Variants in SLC6A14 observed in about 807,000 individuals in gnomAD.
SLC6A14 encodes the protein solute carrier family 6 member 14.
In SLC6A14, 21 loss-of-function variants were observed where a neutral mutation model predicts 51.4. That is an observed-to-expected ratio of 0.41 (90% CI 0.29 to 0.59). The LOEUF is 0.59. SLC6A14 is among the 20% of genes least tolerant of loss of function. The probability of loss-of-function intolerance (pLI) is 0.31; values close to 1 mark genes in which losing one functional copy is unlikely to be tolerated. For synonymous variants in SLC6A14, 177 were observed against 160.7 expected (o/e 1.10, Z -0.77); for missense variants, 371 against 472.8 (o/e 0.78, Z 2.00).
intron 6 of SLC6A14, among the ~76,000 whole-genome samples, chrX:116,445,721 C>T (rs1927701032): frequency 1.8e-5 from 2 of 111,481 alleles, no homozygotes; most frequent in South Asian, 7.5e-4. Flanking sequence ...AAGAAAACAA[C>T]ATGAAATTTT....
At chrX:116,443,220 G>T (rs1475277562) in intron 4 of SLC6A14, among the ~76,000 whole-genome samples, 2 of 111,283 alleles carry the variant, frequency 1.8e-5, no homozygotes, top group African/African-American at 6.5e-5. Flanking sequence ...CCATGTCATA[G>T]ACTATTACCA....
At position 116,437,969 on chromosome X, in the gene SLC6A14, C is replaced by CGGGGGGGGGGGGGGGG; in HGVS notation, c.214+14_214+15insGGGGGGGGGGGGGGGG. Reference sequence around the variant, plus strand: ...GCAATGGTGGAGGTATTCTATTTCACCCCCACCCTCCCACCCCCGCTTTTC... The same window carrying CGGGGGGGGGGGGGGGG: ...GCAATGGTGGAGGTATTCTATTTCACGGGGGGGGGGGGGGGGCCCCACCCTCCCACCCCCGCTTTTC... On this transcript the variant is annotated intron_variant, in intron 2 of 13. Coordinates refer to ENST00000598581, the MANE Select transcript of SLC6A14 (RefSeq NM_007231.5). 1 of 1,096,577 alleles carries CGGGGGGGGGGGGGGGG rather than the reference C, an allele frequency of 9.1e-7. No homozygotes were observed. Among genetic ancestry groups the CGGGGGGGGGGGGGGGG allele is most frequent in the Non-Finnish European group, 1.2e-6 (1 of 820,890 alleles). 90.4% of individuals were successfully genotyped at this position (1,096,577 alleles called of 1,213,427 possible).
rs367566903 is a variant in SLC6A14, at chrX:116,457,794, G to A, written c.1782+18G>A. On this transcript the variant is annotated intron_variant, in intron 13 of 13. Coordinates refer to ENST00000598581, the MANE Select transcript of SLC6A14 (RefSeq NM_007231.5). ...TCTTTCAAGTGAGTGCATTAAAATTGTTTATACTTTACACAAAGTAGTTAT... is the reference window on the plus strand; with the variant it reads ...TCTTTCAAGTGAGTGCATTAAAATTATTTATACTTTACACAAAGTAGTTAT... 7 of 1,110,602 alleles carry A rather than the reference G, an allele frequency of 6.3e-6. No homozygotes were observed. Among genetic ancestry groups the A allele is most frequent in the Admixed American group, 4.5e-5 (2 of 44,599 alleles). The allele number at this position is 1,110,602 out of a possible 1,213,427, so 91.5% of individuals were successfully genotyped here. A position where few individuals can be genotyped will look rare whatever the true frequency, so the allele number is the denominator to read the frequency against.
At chrX:116,440,893 T>C (rs1927581334) in intron 2 of SLC6A14, 73 bp from the exon 3 acceptor site, 1 of 1,111,082 alleles carries the variant, frequency 9.0e-7, no homozygotes, top group Non-Finnish European at 1.2e-6. Context: ...TTTTAAAGTG[T>C]TATGCTGGTT....
chrX:116,451,197 A>G (rs1166016809), intron 7 of SLC6A14, among the ~76,000 whole-genome samples: 2 of 111,306 alleles, frequency 1.8e-5, no homozygotes, highest in Non-Finnish European at 3.8e-5. Flanking sequence ...AAGAAGAACA[A>G]AGAAATTATG....
rs3043424 is a variant in SLC6A14 at position 116,437,308 on chromosome X, GT to G, written c.49-473del. ...CCATAAGAAAAGTTTATAGATTCTC[GT>G]TTTTTTTTCCAGCAGACACTACATT... On this transcript the variant is annotated intron_variant, in intron 1 of 13. Transcript: ENST00000598581. 7.4e-5 allele frequency among the ~76,000 whole-genome samples: 8 copies of G among 108,434 alleles called. No homozygotes were observed. In the East Asian group the frequency reaches 1.4e-3, roughly 20 times the overall value. 94.2% of individuals were successfully genotyped at this position (108,434 alleles called of 115,157 possible). A position where few individuals can be genotyped will look rare whatever the true frequency, so the allele number is the denominator to read the frequency against.
At chrX:116,453,720 T>TA (rs1927869136) in intron 9 of SLC6A14, among the ~76,000 whole-genome samples, 1 of 111,303 alleles carries the variant, frequency 9.0e-6, no homozygotes. Context: ...TCCTTGCACA[T>TA]ACTTCTATGC....
Position 116,437,969 on chromosome X carries a change from C to CGGGGGGGCCG in SLC6A14, c.214+14_214+15insGGGGGGGCCG. ...GCAATGGTGGAGGTATTCTATTTCA[C>CGGGGGGGCCG]CCCCACCCTCCCACCCCCGCTTTTC... On this transcript the variant is annotated intron_variant, in intron 2 of 13. Transcript: ENST00000598581. 4 of 1,096,567 alleles carry CGGGGGGGCCG rather than the reference C, an allele frequency of 3.6e-6. No individual in the cohort carries two copies. The highest frequency in any genetic ancestry group is 4.9e-6 in the Non-Finnish European group (4 of 820,876). 90.4% of individuals were successfully genotyped at this position (1,096,567 alleles called of 1,213,427 possible).
chrX:116,445,592 C>A (rs1556693969), intron 6 of SLC6A14, among the ~76,000 whole-genome samples: 1 of 108,202 alleles, frequency 9.2e-6, no homozygotes, highest in Non-Finnish European at 1.9e-5. Context: ...TTAAAGATTG[C>A]CAAAATGGAC....
chrX:116,443,730 C>T lies in SLC6A14; in HGVS notation c.596C>T (p.Thr199Ile), dbSNP rs781833524. 3.3e-6 allele frequency: 4 copies of T among 1,206,226 alleles called. No individual in the cohort carries two copies. The Admixed American group carries it at 8.8e-5, about 26-fold the overall frequency. Reference protein sequence around the residue: ...NKSWVDINNFTCINGSEIYQP... With the variant: ...NKSWVDINNFICINGSEIYQP... ...AGCTGGGTAGACATCAACAATTTTA[C>T]CTGCATCAACGGCAGTGAAATTTAT... Residue 199 changes from threonine (T) to isoleucine (I), a missense_variant, in exon 5 of 14, where the codon ACC becomes ATC. By Grantham distance (89) the Thr-to-Ile change is moderately conservative (BLOSUM62 -1). Around this residue, in one of 2 missense-constraint regions of SLC6A14, gnomAD observed 277 missense variants for 391.8 expected, o/e 0.71. Coordinates refer to ENST00000598581, the MANE Select transcript of SLC6A14 (RefSeq NM_007231.5).
At chrX:116,440,832 T>A in intron 2 of SLC6A14, 134 bp from the exon 3 acceptor site, 1 of 608,575 alleles carries the variant, frequency 1.6e-6, no homozygotes, top group Non-Finnish European at 2.5e-6. Flanking sequence ...TAGAAAGCAG[T>A]GAACTTTAGG....
chrX:116,448,216 T>G (rs144220693), intron 7 of SLC6A14, among the ~76,000 whole-genome samples: 3,906 of 112,315 alleles, frequency 0.035, 182 homozygotes, highest in African/African-American at 0.12. Context: ...ATTACCTTTC[T>G]GAAAACTGAA....
At chrX:116,438,000 A>G in intron 2 of SLC6A14, 45 bp downstream of exon 2, 3 of 920,014 alleles carry the variant, frequency 3.3e-6, no homozygotes, top group Non-Finnish European at 4.3e-6. Context: ...TTTTCCCTCC[A>G]GTTTTAAGTG....
intron 4 of SLC6A14, among the ~76,000 whole-genome samples, chrX:116,443,283 C>T (rs984712472): frequency 9.0e-6 from 1 of 110,920 alleles, no homozygotes; most frequent in African/African-American, 3.3e-5. Context: ...TTAATGCTTC[C>T]GAGAAGTTTA....
At chrX:116,445,505 A>AGAGAGAGAG (rs1556693962) in intron 6 of SLC6A14, among the ~76,000 whole-genome samples, 18 of 86,085 alleles carry the variant, frequency 2.1e-4, no homozygotes, top group East Asian at 6.7e-4. Flanking sequence ...AGAGAGAGAG[A>AGAGAGAGAG]AATGTGTGTG....
In SLC6A14 at chrX:116,442,674, CT is replaced by C. The variant is rs781804835; in HGVS notation, c.347-5del. 11 of 1,073,830 alleles carry C rather than the reference CT, an allele frequency of 1.0e-5. No individual in the cohort carries two copies. Among genetic ancestry groups the C allele is most frequent in the South Asian group, 2.9e-5 (1 of 35,047 alleles). 88.5% of individuals were successfully genotyped at this position (1,073,830 alleles called of 1,213,427 possible). On this transcript the variant is annotated splice_polypyrimidine_tract_variant and intron_variant, in intron 3 of 13. Transcript: ENST00000598581. ...GAGTTTGGTTTTTATTTTAATTGTT[CT>C]TTTTTTTCCAGGTGTGGGAATTACA...
At position 116,446,828 on chromosome X, in the gene SLC6A14, A is replaced by T. The variant is rs1927724371; in HGVS notation, c.877A>T (p.Ile293Phe). Residue 293 changes from isoleucine (I) to phenylalanine (F), a missense_variant, in exon 7 of 14, where the codon ATT (isoleucine) becomes TTT (phenylalanine). Physicochemically the swap from Ile to Phe is conservative, Grantham distance 21 (BLOSUM62 0). Transcript: ENST00000598581. The part of the protein sequence containing the change: ...GATLEGASKG[I>F]SYYIGAQSNF... Reference sequence around the variant, plus strand: ...AACTCTGGAGGGTGCTTCAAAAGGCATTTCATACTATATTGGAGCCCAGTC... The same window carrying T: ...AACTCTGGAGGGTGCTTCAAAAGGCTTTTCATACTATATTGGAGCCCAGTC... 1.7e-6 allele frequency: 2 copies of T among 1,205,933 alleles called. No homozygotes were observed. Among genetic ancestry groups the T allele is most frequent in the African/African-American group, 3.5e-5 (2 of 56,954 alleles).
chrX:116,445,457 GGAGAGAGAGAGAGAGAGAGAGAGAGA>G (rs4068397), intron 6 of SLC6A14, among the ~76,000 whole-genome samples: 2 of 67,027 alleles, frequency 3.0e-5, no homozygotes, highest in Non-Finnish European at 5.3e-5. Flanking sequence ...TCCCCTAGTC[GGAGAGAGAGAGAGAGAGAGAGAGAGA>G]GAGAGAGAGA....
At chrX:116,451,284 T>G (rs1182098930) in intron 7 of SLC6A14, among the ~76,000 whole-genome samples, 158 bp from the exon 8 acceptor site, 6 of 111,476 alleles carry the variant, frequency 5.4e-5, no homozygotes, top group Admixed American at 4.8e-4. Context: ...CAAAAAGGAT[T>G]TAAGAGACTG....
Sources: allele counts gnomAD v4.1 joint callset (sites outside exome capture counted in the v4.1 genomes callset), GRCh38; gene constraint gnomAD v4.1.1; regional missense constraint gnomAD v4.1.1; transcripts MANE v1.5; gene names NCBI Gene and HGNC (gene_info 2026-07-23, HGNC 2026-07-21).